The following ACTR3C variants were observed in gnomAD, a reference collection of about 807,000 sequenced individuals.
The protein encoded by ACTR3C is actin-related protein 3C.
ACTR3C carries 18 observed loss-of-function variants against 26.3 expected under a neutral mutation model. That is an observed-to-expected ratio of 0.68 (90% CI 0.47 to 1.01). The LOEUF (loss-of-function observed/expected upper bound fraction) is 1.01. Ranked by LOEUF, ACTR3C falls within the 50% of genes least tolerant of loss-of-function variation. The probability of loss-of-function intolerance (pLI) is 0.00; values close to 1 mark genes in which losing one functional copy is unlikely to be tolerated. For missense variants in ACTR3C, 184 were observed against 250.7 expected (o/e 0.73, Z 1.80); for synonymous variants, 55 against 94.5 (o/e 0.58, Z 2.42).
the ACTR3C span, among the ~76,000 whole-genome samples, chr7:150,015,903 C>A: frequency 1.3e-5 from 2 of 152,236 alleles, no homozygotes; most frequent in African/African-American, 4.8e-5. Flanking sequence ...TTATTAATAG[C>A]ACATCTACTC....
chr7:150,291,582 G>A (rs1016648944), intron 3 of ACTR3C, among the ~76,000 whole-genome samples: 1 of 152,194 alleles, frequency 6.6e-6, no homozygotes, highest in Non-Finnish European at 1.5e-5. Flanking sequence ...AGGAAAAACT[G>A]AACTAAGATA....
the ACTR3C span, among the ~76,000 whole-genome samples, chr7:149,943,102 C>G: frequency 6.6e-6 from 1 of 151,870 alleles, no homozygotes; most frequent in South Asian, 2.1e-4. Flanking sequence ...ACTATGGCCC[C>G]GGGGCCTGCT....
At chr7:150,232,097 T>C in the ACTR3C span, among the ~76,000 whole-genome samples, 3 of 152,214 alleles carry the variant, frequency 2.0e-5, no homozygotes, top group Non-Finnish European at 2.9e-5. Context: ...TTTTTGAGAA[T>C]TGATCCCTTT....
chr7:150,291,858 G>A (rs1353116690), intron 3 of ACTR3C, among the ~76,000 whole-genome samples: 2 of 151,620 alleles, frequency 1.3e-5, no homozygotes, highest in Non-Finnish European at 2.9e-5. Context: ...TGGCTTGAAG[G>A]GGGCTCAAGT....
chr7:150,211,248 T>G, the ACTR3C span, among the ~76,000 whole-genome samples: 1 of 150,118 alleles, frequency 6.7e-6, no homozygotes, highest in African/African-American at 2.5e-5. Flanking sequence ...ATGGATGCCT[T>G]AATAATAGCA....
chr7:150,037,364 G>C, the ACTR3C span, among the ~76,000 whole-genome samples: 1 of 48,452 alleles, frequency 2.1e-5, no homozygotes, highest in African/African-American at 5.8e-5. Context: ...CTCAGTCCCC[G>C]CCTCGCGGGG....
At chr7:150,119,867 A>C in the ACTR3C span, among the ~76,000 whole-genome samples, 2 of 152,246 alleles carry the variant, frequency 1.3e-5, no homozygotes, top group Non-Finnish European at 2.9e-5. Context: ...AAAAGAACGG[A>C]AATTAAAGCG....
the ACTR3C span, among the ~76,000 whole-genome samples, chr7:150,146,014 C>T: frequency 4.6e-5 from 7 of 151,688 alleles, no homozygotes; most frequent in African/African-American, 1.7e-4. Context: ...AAAAAATATT[C>T]TTATTCCACG....
the ACTR3C span, among the ~76,000 whole-genome samples, chr7:150,118,037 C>T: frequency 2.4e-4 from 37 of 152,240 alleles, no homozygotes; most frequent in African/African-American, 6.7e-4. Context: ...GGAATAGCAT[C>T]GACATAAACA....
At chr7:150,250,349 G>T (rs1242247521) in intron 6 of ACTR3C, among the ~76,000 whole-genome samples, 1 of 150,764 alleles carries the variant, frequency 6.6e-6, no homozygotes, top group Non-Finnish European at 1.5e-5. Flanking sequence ...GACCACAGGC[G>T]CCCGCCACTA....
the ACTR3C span, among the ~76,000 whole-genome samples, chr7:149,969,026 G>C: frequency 1.3e-5 from 2 of 151,866 alleles, no homozygotes; most frequent in Admixed American, 1.3e-4. Flanking sequence ...AAAGATTTCA[G>C]CTTCTCTCTG....
the ACTR3C span, among the ~76,000 whole-genome samples, chr7:150,065,355 G>C: frequency 6.6e-6 from 1 of 152,220 alleles, no homozygotes; most frequent in Non-Finnish European, 1.5e-5. Context: ...ATATATGAAA[G>C]ATGATGAATT....
the ACTR3C span, among the ~76,000 whole-genome samples, chr7:150,158,367 G>T: frequency 6.6e-6 from 1 of 151,960 alleles, no homozygotes; most frequent in Non-Finnish European, 1.5e-5. Context: ...AAAATAAAAT[G>T]AAATCATTAT....
chr7:150,286,413 A>G lies in ACTR3C; in HGVS notation c.425T>C (p.Val142Ala). ...AGGTCCCAGGAATCTTTCGTAACCA[A>G]CGTCTATAACAAACTTCTTCTGGTT... ...AINQKKFVID[V>A]GYERFLGPEI... The change falls in exon 5 of 8, where the codon GTT becomes GCT. Residue 142 changes from valine to alanine, a missense_variant. Physicochemically the swap from Val to Ala is moderately conservative, Grantham distance 64. Transcript: ENST00000683684. 1.2e-6 allele frequency: 2 copies of G among 1,613,774 alleles called. No individual in the cohort carries two copies. Among genetic ancestry groups the G allele is most frequent in the Non-Finnish European group, 8.5e-7 (1 of 1,180,010 alleles).
chr7:150,227,933 C>G, the ACTR3C span, among the ~76,000 whole-genome samples: 1 of 151,888 alleles, frequency 6.6e-6, no homozygotes, highest in Non-Finnish European at 1.5e-5. Context: ...AATAAAAGGG[C>G]TCAACTTTGT....
chr7:150,255,962 C>T (rs190415496), intron 6 of ACTR3C, among the ~76,000 whole-genome samples: 1 of 152,192 alleles, frequency 6.6e-6, no homozygotes, highest in Non-Finnish European at 1.5e-5. Flanking sequence ...CAAGTAACAA[C>T]AATCATGTGT....
chr7:150,113,113 G>A, the ACTR3C span, among the ~76,000 whole-genome samples: 3 of 152,012 alleles, frequency 2.0e-5, no homozygotes, highest in Non-Finnish European at 1.5e-5. Context: ...GCACCCCACA[G>A]CTCTCTGCTG....
At chr7:150,212,554 A>G in the ACTR3C span, among the ~76,000 whole-genome samples, 1 of 149,652 alleles carries the variant, frequency 6.7e-6, no homozygotes, top group Non-Finnish European at 1.5e-5. Flanking sequence ...GTTTTGGGTG[A>G]TAAAAAGAAT....
At chr7:150,032,894 G>A in the ACTR3C span, among the ~76,000 whole-genome samples, 1 of 152,124 alleles carries the variant, frequency 6.6e-6, no homozygotes, top group African/African-American at 2.4e-5. Flanking sequence ...TGAACCATGA[G>A]CAAATGTCCA....
Sources: allele counts gnomAD v4.1 joint callset (sites outside exome capture counted in the v4.1 genomes callset), GRCh38; gene constraint gnomAD v4.1.1; transcripts MANE v1.5; gene names NCBI Gene and HGNC (gene_info 2026-07-23, HGNC 2026-07-21).